RYR1: variants seen among roughly 807,000 people sequenced by gnomAD.
RYR1 encodes the protein ryanodine receptor 1, also known as central core disease of muscle.
RYR1 carries 342 observed loss-of-function variants against 583.5 expected under a neutral mutation model. That is an observed-to-expected ratio of 0.59 (90% CI 0.54 to 0.64). The LOEUF (loss-of-function observed/expected upper bound fraction) is 0.64. Among genes scored for constraint, RYR1 ranks in the 30% least tolerant of loss-of-function variants. RYR1 has a pLI of 0.00. For missense variants in RYR1, 6,032 were observed against 6,917.2 expected, an observed-to-expected ratio of 0.87 and a Z score of 4.54; for synonymous variants, 2,791 against 2,822.5, an observed-to-expected ratio of 0.99 and a Z score of 0.35.
chr19:38,483,248 G>A lies in RYR1; in HGVS notation c.4708-42G>A. ...CTGGAAGTGGTGTGGTGGGACAGAGGGGGCTGGCCATCTTGACCCATGTGT... is the reference window on the plus strand; with the variant it reads ...CTGGAAGTGGTGTGGTGGGACAGAGAGGGCTGGCCATCTTGACCCATGTGT... On this transcript the variant is annotated intron_variant, in intron 32 of 105. Coordinates refer to ENST00000359596, the MANE Select transcript of RYR1 (RefSeq NM_000540.3). This position sits in a 1 kb window ranked among gnomAD's most constrained non-coding sequence, Gnocchi z 6.3. 3 of 1,570,668 alleles carry A rather than the reference G, an allele frequency of 1.9e-6. No homozygotes were observed. Among genetic ancestry groups the A allele is most frequent in the Non-Finnish European group, 2.6e-6 (3 of 1,156,468 alleles).
intron 20 of RYR1, 52 bp downstream of exon 20, chr19:38,460,643 C>T (rs1288655490): frequency 6.6e-7 from 1 of 1,517,278 alleles, no homozygotes; most frequent in South Asian, 1.1e-5. Context: ...TCTTAGGAGT[C>T]AGAGAGGGGG....
At position 38,463,813 on chromosome 19, in the gene RYR1, A is replaced by G; in HGVS notation, c.2749A>G (p.Arg917Gly). 3.7e-6 allele frequency: 6 copies of G among 1,613,760 alleles called. No individual in the cohort carries two copies. Among genetic ancestry groups the G allele is most frequent in the Non-Finnish European group, 5.1e-6 (6 of 1,179,932 alleles). Residue 917 changes from arginine to glycine, a missense_variant, in exon 22 of 106, where the codon AGG becomes GGG. Arg to Gly is a moderately radical substitution (Grantham distance 125, BLOSUM62 -2). Transcript: ENST00000359596. ...CTTCCACAGCCTTCCAGAGCCTGAGAGGAACTACAACCTGCAGATGTCTGG... is the reference window on the plus strand; with the variant it reads ...CTTCCACAGCCTTCCAGAGCCTGAGGGGAACTACAACCTGCAGATGTCTGG... ...VDFHSLPEPERNYNLQMSGET... is the reference protein window; with the variant it reads ...VDFHSLPEPEGNYNLQMSGET...
chr19:38,466,365 G>A lies in RYR1; in HGVS notation c.3145G>A (p.Gly1049Ser), dbSNP rs990842315. Residue 1049 changes from glycine (G) to serine (S), a missense_variant, in exon 24 of 106, where the codon GGC (glycine) becomes AGC (serine). This residue lies in a region of RYR1 where 2,627 missense variants were observed against 2,961.3 expected (regional missense o/e 0.89). Coordinates refer to ENST00000359596, the MANE Select transcript of RYR1 (RefSeq NM_000540.3). ...CQAVRTLLGY[G>S]YNIEPPDQEP... ...GGCCGTGCGCACCCTCCTGGGCTAC[G>A]GCTACAACATCGAGCCTCCTGACCA... 21 of 1,570,112 alleles carry A rather than the reference G, an allele frequency of 1.3e-5. No homozygotes were observed. Among genetic ancestry groups the A allele is most frequent in the Non-Finnish European group, 1.6e-5 (19 of 1,160,384 alleles).
rs752017854 is a variant in RYR1 at position 38,515,067 on chromosome 19, A to G, written c.9514A>G (p.Ile3172Val). The change falls in exon 64 of 106, where the codon ATC becomes GTC. Residue 3172 changes from isoleucine to valine, a missense_variant. By Grantham distance (29) the Ile-to-Val change is conservative. This residue lies in a region of RYR1 where 1,493 missense variants were observed against 1,715.5 expected (regional missense o/e 0.87). Transcript: ENST00000359596. The stretch of plus-strand genomic sequence containing the variant: ...CTCTTGCTACCGAACGCTGTGCAGT[A>G]TCTACTCCCTGGGAACCACCAAGAA... ...QVSCYRTLCS[I>V]YSLGTTKNTY... 6.8e-6 allele frequency: 11 copies of G among 1,613,326 alleles called. No individual in the cohort carries two copies. The Admixed American group carries it at 1.3e-4, about 20-fold the overall frequency.
In RYR1 at chr19:38,561,059, AG is replaced by A. The variant is rs369971908; in HGVS notation, c.12283-53del. 64 of 1,270,692 alleles carry A rather than the reference AG, an allele frequency of 5.0e-5. No homozygotes were observed. Among genetic ancestry groups the A allele is most frequent in the African/African-American group, 1.6e-4 (10 of 60,812 alleles). 78.7% of individuals were successfully genotyped at this position (1,270,692 alleles called of 1,614,324 possible). A position where few individuals can be genotyped will look rare whatever the true frequency, so the allele number is the denominator to read the frequency against. ...TTGTCTTAAAAAAAAAAAAAAAAAGAGAGAGAATTGAGGCTCTCCAGGTCAC... is the reference window on the plus strand; with the variant it reads ...TTGTCTTAAAAAAAAAAAAAAAAAGAAGAGAATTGAGGCTCTCCAGGTCAC... On this transcript the variant is annotated intron_variant, in intron 89 of 105. Coordinates refer to ENST00000359596, the MANE Select transcript of RYR1 (RefSeq NM_000540.3). This position sits in a 1 kb window ranked among gnomAD's most constrained non-coding sequence, Gnocchi z 4.8.
At chr19:38,460,643 CAG>C in intron 20 of RYR1, 52 bp downstream of exon 20, 2 of 1,517,278 alleles carry the variant, frequency 1.3e-6, no homozygotes, top group Non-Finnish European at 1.8e-6. Context: ...TCTTAGGAGT[CAG>C]AGAGGGGGCA....
chr19:38,510,520 A>C lies in RYR1; in HGVS notation c.8955A>C (p.Arg2985=), dbSNP rs1466931522. 2 of 1,614,036 alleles carry C rather than the reference A, an allele frequency of 1.2e-6. No homozygotes were observed. Among genetic ancestry groups the C allele is most frequent in the African/African-American group, 2.7e-5 (2 of 74,896 alleles). ...CAGAGGCTGTGGTCAGCAGTGGGCGAGTGGAAAAGTCCCCACATGAACAGG... is the reference window on the plus strand; with the variant it reads ...CAGAGGCTGTGGTCAGCAGTGGGCGCGTGGAAAAGTCCCCACATGAACAGG... ...AHLEAVVSSG[R]VEKSPHEQEI... is the part of the protein sequence containing the mutation. The change falls in exon 59 of 106, where the codon CGA becomes CGC. Residue 2985 remains arginine (R), a synonymous_variant. Transcript: ENST00000359596.
chr19:38,508,371 C>G (rs1970576042), intron 58 of RYR1, among the ~76,000 whole-genome samples: 2 of 152,042 alleles, frequency 1.3e-5, no homozygotes, highest in Admixed American at 1.3e-4. Context: ...GCCGCCACAC[C>G]CAGCTAATTT....
chr19:38,529,238 C>G (rs917009894), intron 76 of RYR1, among the ~76,000 whole-genome samples, 181 bp downstream of exon 76: 6 of 152,188 alleles, frequency 3.9e-5, no homozygotes, highest in Non-Finnish European at 7.4e-5. Flanking sequence ...TCCCAGCAAT[C>G]TGGGAGGCTG....
In RYR1 at chr19:38,433,693, A is replaced by G. The variant is rs1042185604; in HGVS notation, c.-137A>G. The G allele has an allele frequency of 8.3e-6, 6 of 722,898 alleles. No homozygotes were observed. The African/African-American group carries it at 8.6e-5, about 10-fold the overall frequency. The allele number at this position is 722,898 out of a possible 1,614,324, so 44.8% of individuals were successfully genotyped here. A position where few individuals can be genotyped will look rare whatever the true frequency, so the allele number is the denominator to read the frequency against. On this transcript the variant is annotated 5_prime_UTR_variant, in exon 1 of 106. Coordinates refer to ENST00000359596, the MANE Select transcript of RYR1 (RefSeq NM_000540.3). ...TGTCCAGCATGCGTGTACTCCTCGC[A>G]GTTCCATCTACCTCGCGGGTGCCTC...
At chr19:38,480,216 C>T (rs368778746) in intron 31 of RYR1, among the ~76,000 whole-genome samples, 1 of 152,232 alleles carries the variant, frequency 6.6e-6, no homozygotes. Context: ...AATCTCGACT[C>T]ATTGCAACCT....
At chr19:38,542,102 TG>T (rs796640189) in intron 84 of RYR1, among the ~76,000 whole-genome samples, 283 of 146,802 alleles carry the variant, frequency 1.9e-3, no homozygotes, top group African/African-American at 6.8e-3. Flanking sequence ...GGCCGGGGAC[TG>T]TTTTTTTTTT....
At chr19:38,556,219 G>A (rs950206994) in intron 89 of RYR1, among the ~76,000 whole-genome samples, 4 of 151,712 alleles carry the variant, frequency 2.6e-5, no homozygotes, top group African/African-American at 7.3e-5. Context: ...ATGGTGGCTC[G>A]TGCCTGTAAT....
rs913136689 is a variant in RYR1 at position 38,444,029 on chromosome 19, G to A, written c.425-120G>A. The A allele has an allele frequency of 1.1e-6, 1 of 888,640 alleles. No homozygotes were observed. The highest frequency in any genetic ancestry group is 1.9e-6 in the Non-Finnish European group (1 of 535,770). The allele number at this position is 888,640 out of a possible 1,614,324, so 55.0% of individuals were successfully genotyped here. The stretch of plus-strand genomic sequence containing the variant: ...GGAACTGTTAGGCAGAGAGTTGGTG[G>A]CAGTGATAGGAGAGTTGTGGGCCAA... On this transcript the variant is annotated intron_variant, in intron 5 of 105. Transcript: ENST00000359596. The surrounding 1 kb of genome is among the most constrained non-coding windows in gnomAD (Gnocchi z 5.1).
rs375009408 is a variant in RYR1, at chr19:38,477,112, G to A, written c.4294-598G>A. On this transcript the variant is annotated intron_variant, in intron 29 of 105. Coordinates refer to ENST00000359596, the MANE Select transcript of RYR1 (RefSeq NM_000540.3). ...GAAAAAAAAGACCTTAGCACAGTCA[G>A]TGCTATTTGTGAGCAATTATTTAAT... Among the ~76,000 whole-genome samples the A allele has an allele frequency of 5.3e-5, 8 of 152,268 alleles. No individual in the cohort carries two copies. In the South Asian group the frequency reaches 1.7e-3, roughly 32 times the overall value.
In RYR1 at chr19:38,528,963, C is replaced by CAGG. The variant is rs760784102; in HGVS notation, c.11061_11063dup (p.Glu3689dup). 32 of 1,607,220 alleles carry CAGG rather than the reference C, an allele frequency of 2.0e-5. No individual in the cohort carries two copies. Among genetic ancestry groups the CAGG allele is most frequent in the East Asian group, 1.1e-4 (5 of 44,790 alleles). On this transcript the variant is annotated inframe_insertion, in exon 76 of 106. Transcript: ENST00000359596. ...CCTCTCCCACCAGAAAGCTGGGGAG[C>CAGG]AGGAGGAGGAGGAGGAAGAGGTGGA...
chr19:38,543,317 T>A lies in RYR1; in HGVS notation c.11690-30T>A, dbSNP rs1011312326. ...TTCATCTCCCCTAGCACATGGGAGG[T>A]GCTGGATAAATGACTTTTCATCTCC... On this transcript the variant is annotated intron_variant, in intron 84 of 105. Coordinates refer to ENST00000359596, the MANE Select transcript of RYR1 (RefSeq NM_000540.3). This position sits in a 1 kb window ranked among gnomAD's most constrained non-coding sequence, Gnocchi z 4.4. The A allele has an allele frequency of 6.3e-7, 1 of 1,591,948 alleles. No homozygotes were observed. Among genetic ancestry groups the A allele is most frequent in the African/African-American group, 1.3e-5 (1 of 74,422 alleles).
rs996862294 is a variant in RYR1 at position 38,500,135 on chromosome 19, C to G, written c.7323+119C>G. The G allele has an allele frequency of 1.1e-6, 1 of 894,528 alleles. No individual in the cohort carries two copies. The highest frequency in any genetic ancestry group is 1.8e-6 in the Non-Finnish European group (1 of 559,116). The allele number at this position is 894,528 out of a possible 1,614,324, so 55.4% of individuals were successfully genotyped here. On this transcript the variant is annotated intron_variant, in intron 45 of 105. Transcript: ENST00000359596. This position sits in a 1 kb window ranked among gnomAD's most constrained non-coding sequence, Gnocchi z 5.9. ...CCATATGTGGGTGGTCCTGGACTAG[C>G]AATGTTGGGGACACAACAGTGACCA...
At chr19:38,472,619 T>G (rs1022908603) in intron 27 of RYR1, among the ~76,000 whole-genome samples, 3 of 151,994 alleles carry the variant, frequency 2.0e-5, no homozygotes, top group Non-Finnish European at 4.4e-5. Flanking sequence ...GGCTCACGCC[T>G]GTAATCCTAG....
Sources: allele counts gnomAD v4.1 joint callset (sites outside exome capture counted in the v4.1 genomes callset), GRCh38; gene constraint gnomAD v4.1.1; regional missense constraint gnomAD v4.1.1; non-coding constraint Gnocchi (gnomAD v3.1); transcripts MANE v1.5; gene names NCBI Gene and HGNC (gene_info 2026-07-23, HGNC 2026-07-21).